HS3ST5: variants seen among roughly 807,000 people sequenced by gnomAD.
HS3ST5 encodes heparan sulfate-glucosamine 3-sulfotransferase 5, also known as heparan sulfate glucosamine 3-O-sulfotransferase 5.
HS3ST5 carries 10 observed loss-of-function variants against 25.4 expected under a neutral mutation model. The ratio of observed to expected loss-of-function variants is 0.39; its 90% confidence interval spans 0.24 to 0.67. The LOEUF (loss-of-function observed/expected upper bound fraction) is 0.67, where lower values mean the gene tolerates loss of function less well. HS3ST5 is among the 30% of genes least tolerant of loss of function. The pLI, the probability that HS3ST5 is intolerant of heterozygous loss-of-function variation, is 0.44. For synonymous variants in HS3ST5, 170 were observed against 162.4 expected, an observed-to-expected ratio of 1.05 and a Z score of -0.36; for missense variants, 324 against 420.7, an observed-to-expected ratio of 0.77 and a Z score of 2.01.
chr6:114,199,831 T>C (rs1374660119), intron 2 of HS3ST5, among the ~76,000 whole-genome samples: 3 of 152,184 alleles, frequency 2.0e-5, no homozygotes, highest in Non-Finnish European at 2.9e-5. Flanking sequence ...CCAAAAAAGA[T>C]AGCACCTCTA....
intron 2 of HS3ST5, among the ~76,000 whole-genome samples, chr6:114,215,132 C>T (rs574596324): frequency 6.6e-6 from 1 of 151,898 alleles, no homozygotes; most frequent in African/African-American, 2.4e-5. Context: ...GGTGAAACCC[C>T]GTCTCTACTA....
chr6:114,161,914 G>GA (rs1353610492), intron 3 of HS3ST5, among the ~76,000 whole-genome samples: 1 of 151,744 alleles, frequency 6.6e-6, no homozygotes, highest in Non-Finnish European at 1.5e-5. Context: ...ACATATTTGT[G>GA]AAAATAATCA....
Position 114,342,594 on chromosome 6 carries a change from G to GGAGCCGGAGTCCGCGCA in HS3ST5, c.-755_-739dup, listed in dbSNP as rs1776934229. On this transcript the variant is annotated 5_prime_UTR_variant, in exon 1 of 5. It removes the in-frame stop codon of an upstream open reading frame in the 5' UTR. Transcript: ENST00000312719. ...CGCGGGCACGGCACGGGCGGCCGCA[G>GGAGCCGGAGTCCGCGCA]GAGCCGGAGTCCGCGCAGTGCCGGA... The GGAGCCGGAGTCCGCGCA allele has an allele frequency of 6.5e-6, 1 of 154,256 alleles. No homozygotes were observed. Among genetic ancestry groups the GGAGCCGGAGTCCGCGCA allele is most frequent in the Middle Eastern group, 3.3e-3 (1 of 300 alleles). 9.6% of individuals were successfully genotyped at this position (154,256 alleles called of 1,614,324 possible). A position where few individuals can be genotyped will look rare whatever the true frequency, so the allele number is the denominator to read the frequency against.
chr6:114,128,755 G>A (rs957442467), intron 3 of HS3ST5, among the ~76,000 whole-genome samples: 3 of 152,154 alleles, frequency 2.0e-5, no homozygotes, highest in African/African-American at 7.2e-5. Context: ...GAGAGTAAAA[G>A]GTACAGAAAA....
At chr6:114,219,934 C>T (rs980930694) in intron 2 of HS3ST5, among the ~76,000 whole-genome samples, 1 of 152,014 alleles carries the variant, frequency 6.6e-6, no homozygotes, top group Non-Finnish European at 1.5e-5. Context: ...CCAGAAAAAC[C>T]ATGAAAACCT....
At chr6:114,316,051 T>A (rs116962469) in intron 1 of HS3ST5, among the ~76,000 whole-genome samples, 122 of 152,292 alleles carry the variant, frequency 8.0e-4, no homozygotes, top group Non-Finnish European at 1.1e-3. Context: ...ACATACCATC[T>A]TTTCATTCAT....
intron 1 of HS3ST5, among the ~76,000 whole-genome samples, chr6:114,310,346 A>AT (rs1277726403): frequency 3.3e-5 from 5 of 152,012 alleles, no homozygotes; most frequent in African/African-American, 7.2e-5. Flanking sequence ...GGGATTCTAG[A>AT]TTTTTTTTCA....
intron 2 of HS3ST5, among the ~76,000 whole-genome samples, chr6:114,181,529 A>G (rs374689851): frequency 2.0e-5 from 3 of 152,354 alleles, no homozygotes; most frequent in Admixed American, 6.5e-5. Flanking sequence ...TGAATCTCAA[A>G]ATCAGAAATA....
intron 1 of HS3ST5, among the ~76,000 whole-genome samples, chr6:114,301,878 A>C (rs1775089166): frequency 6.6e-6 from 1 of 152,202 alleles, no homozygotes; most frequent in South Asian, 2.1e-4. Context: ...AGAGGAATGG[A>C]AGGGCAACCA....
chr6:114,212,612 C>A (rs1239841834), intron 2 of HS3ST5, among the ~76,000 whole-genome samples: 1 of 152,186 alleles, frequency 6.6e-6, no homozygotes, highest in East Asian at 1.9e-4. Context: ...TTAACTTAGA[C>A]ATATTTACTT....
At chr6:114,121,252 C>T (rs1776770698) in intron 3 of HS3ST5, among the ~76,000 whole-genome samples, 1 of 152,138 alleles carries the variant, frequency 6.6e-6, no homozygotes, top group Non-Finnish European at 1.5e-5. Flanking sequence ...TTTTCAAATA[C>T]AATAGAAATC....
intron 2 of HS3ST5, among the ~76,000 whole-genome samples, chr6:114,202,874 T>C (rs970532543): frequency 6.6e-6 from 1 of 152,194 alleles, no homozygotes; most frequent in African/African-American, 2.4e-5. Context: ...AAAACTGAAG[T>C]CATAATTCCC....
chr6:114,310,660 C>T (rs1775492601), intron 1 of HS3ST5, among the ~76,000 whole-genome samples: 1 of 151,808 alleles, frequency 6.6e-6, no homozygotes, highest in African/African-American at 2.4e-5. Flanking sequence ...TGGTTATGTC[C>T]CCAAAAACTC....
chr6:114,286,967 T>G (rs1336693034), intron 1 of HS3ST5, among the ~76,000 whole-genome samples: 2 of 151,934 alleles, frequency 1.3e-5, no homozygotes, highest in Admixed American at 6.6e-5. Flanking sequence ...AAATAAAAAT[T>G]AGAATGGTAC....
chr6:114,123,410 A>C (rs1776886761), intron 3 of HS3ST5, among the ~76,000 whole-genome samples: 1 of 152,208 alleles, frequency 6.6e-6, no homozygotes, highest in Admixed American at 6.5e-5. Context: ...GTCCAAAAGC[A>C]ATTAAGAGAT....
At chr6:114,086,153 A>G (rs1452500902) in intron 3 of HS3ST5, among the ~76,000 whole-genome samples, 1 of 152,190 alleles carries the variant, frequency 6.6e-6, no homozygotes, top group South Asian at 2.1e-4. Context: ...TCTTGGTGTT[A>G]CTACTATTAT....
At chr6:114,245,855 G>A (rs1361932181) in intron 1 of HS3ST5, among the ~76,000 whole-genome samples, 1 of 152,156 alleles carries the variant, frequency 6.6e-6, no homozygotes, top group Admixed American at 6.5e-5. Context: ...CATACATGTG[G>A]GACCCAAACC....
intron 1 of HS3ST5, among the ~76,000 whole-genome samples, chr6:114,281,527 C>T (rs1774109250): frequency 1.3e-5 from 2 of 151,980 alleles, no homozygotes; most frequent in African/African-American, 4.8e-5. Context: ...TTCCAATCAC[C>T]TGTGGCCACA....
chr6:114,204,512 A>C (rs1021503373), intron 2 of HS3ST5, among the ~76,000 whole-genome samples: 1 of 152,172 alleles, frequency 6.6e-6, no homozygotes, highest in Non-Finnish European at 1.5e-5. Flanking sequence ...ATCTCTGACG[A>C]ATTTTTAGGG....
Sources: gnomAD v4.1 joint callset for allele counts (sites outside exome capture counted in the v4.1 genomes callset) on GRCh38, gnomAD v4.1.1 for gene constraint, MANE v1.5 for transcripts, NCBI Gene and HGNC (gene_info 2026-07-23, HGNC 2026-07-21) for gene names.